The following SNTG1 variants were observed in gnomAD, a reference collection of about 807,000 sequenced individuals.
The protein encoded by SNTG1 is syntrophin gamma 1.
SNTG1 carries 39 observed loss-of-function variants against 74.7 expected under a neutral mutation model. The ratio of observed to expected loss-of-function variants is 0.52; its 90% CI spans 0.40 to 0.68. The LOEUF is 0.68. SNTG1 is among the 30% of genes least tolerant of loss of function. The pLI, the probability that SNTG1 is intolerant of heterozygous loss-of-function variation, is 0.00. For missense variants in SNTG1, 685 were observed against 609.5 expected, an observed-to-expected ratio of 1.12 and a Z score of -1.30; for synonymous variants, 254 against 217.1, an observed-to-expected ratio of 1.17 and a Z score of -1.49.
chr8:50,300,323 A>G (rs934247813), intron 2 of SNTG1, among the ~76,000 whole-genome samples: 3 of 152,178 alleles, frequency 2.0e-5, no homozygotes, highest in Non-Finnish European at 2.9e-5. Flanking sequence ...ATATCTACAT[A>G]GTATACATTT....
intron 2 of SNTG1, among the ~76,000 whole-genome samples, chr8:50,249,166 TAGA>T (rs1462206323): frequency 1.3e-5 from 2 of 152,094 alleles, no homozygotes; most frequent in Non-Finnish European, 2.9e-5. Flanking sequence ...TGGTAACTGA[TAGA>T]GGAGGATCTT....
At chr8:50,660,328 AAGAAAGAAAGAAAG>A (rs1325804888) in intron 15 of SNTG1, among the ~76,000 whole-genome samples, 9 of 144,792 alleles carry the variant, frequency 6.2e-5, no homozygotes, top group South Asian at 2.2e-4. Context: ...AGAAGGAAAG[AAGAAAGAAAGAAAG>A]AGAAAGAAAG....
Position 50,667,327 on chromosome 8 carries a change from A to G in SNTG1, c.1038+8664A>G, listed in dbSNP as rs374179541. Among the ~76,000 whole-genome samples, 21 of 152,172 alleles carry G rather than the reference A, an allele frequency of 1.4e-4. No individual in the cohort carries two copies. In the East Asian group the frequency reaches 1.9e-3, roughly 14 times the overall value. ...TAAAAAGTTACATTTTAGGGAGGCC[A>G]TTTGTCTTTATCTGTTTTCTGTTGC... On this transcript the variant is annotated intron_variant, in intron 15 of 18. Transcript: ENST00000642720.
chr8:50,443,049 T>C (rs2093373146), intron 5 of SNTG1, among the ~76,000 whole-genome samples: 2 of 152,218 alleles, frequency 1.3e-5, no homozygotes, highest in Non-Finnish European at 1.5e-5. Flanking sequence ...ATAAATAACT[T>C]TAATAGTTTC....
chr8:50,070,871 C>T (rs1821305192), intron 1 of SNTG1, among the ~76,000 whole-genome samples: 2 of 152,212 alleles, frequency 1.3e-5, no homozygotes, highest in African/African-American at 4.8e-5. Context: ...TTCTCACTTG[C>T]AAGGTGCCCT....
At chr8:50,021,218 G>A (rs756217241) in intron 1 of SNTG1, among the ~76,000 whole-genome samples, 2 of 152,114 alleles carry the variant, frequency 1.3e-5, no homozygotes, top group Non-Finnish European at 2.9e-5. Context: ...AAATGAAAGA[G>A]CTATAAGTTA....
At chr8:50,605,630 G>T (rs2094807017) in intron 13 of SNTG1, among the ~76,000 whole-genome samples, 1 of 152,126 alleles carries the variant, frequency 6.6e-6, no homozygotes, top group Non-Finnish European at 1.5e-5. Context: ...GGGAGGGGTG[G>T]TCTCAGTGAT....
intron 1 of SNTG1, among the ~76,000 whole-genome samples, chr8:50,085,618 G>C (rs183878916): frequency 1.4e-4 from 22 of 152,274 alleles, no homozygotes. Context: ...GTCACATTTA[G>C]TAGACAATCT....
At chr8:50,001,648 A>G (rs1355506420) in intron 1 of SNTG1, among the ~76,000 whole-genome samples, 1 of 152,142 alleles carries the variant, frequency 6.6e-6, no homozygotes, top group Non-Finnish European at 1.5e-5. Context: ...TTAAAGCATT[A>G]AGTTATCTTG....
intron 1 of SNTG1, among the ~76,000 whole-genome samples, chr8:50,046,443 T>C (rs1450363452): frequency 6.6e-6 from 1 of 152,222 alleles, no homozygotes; most frequent in Non-Finnish European, 1.5e-5. Flanking sequence ...TAAAGGGCTG[T>C]TATCAAGAAA....
chr8:50,016,933 A>C (rs1389452537), intron 1 of SNTG1, among the ~76,000 whole-genome samples: 1 of 152,054 alleles, frequency 6.6e-6, no homozygotes, highest in African/African-American at 2.4e-5. Flanking sequence ...GCTGGAAAGC[A>C]GTGAGATGAC....
At chr8:49,956,924 C>T (rs1196873212) in intron 1 of SNTG1, among the ~76,000 whole-genome samples, 4 of 151,986 alleles carry the variant, frequency 2.6e-5, no homozygotes, top group Non-Finnish European at 5.9e-5. Flanking sequence ...ACAAATACTG[C>T]ATGTTATTGT....
At chr8:50,550,042 A>C (rs1297142286) in intron 11 of SNTG1, among the ~76,000 whole-genome samples, 3 of 152,190 alleles carry the variant, frequency 2.0e-5, no homozygotes, top group African/African-American at 7.2e-5. Flanking sequence ...AAATTGAGGC[A>C]CAACTAAGTG....
At chr8:50,408,247 C>T (rs2092904529) in intron 4 of SNTG1, among the ~76,000 whole-genome samples, 1 of 141,536 alleles carries the variant, frequency 7.1e-6, no homozygotes, top group African/African-American at 2.6e-5. Flanking sequence ...CGACTATTAT[C>T]ATCCTTGCTT....
intron 17 of SNTG1, among the ~76,000 whole-genome samples, chr8:50,712,912 G>A (rs910622479): frequency 1.6e-4 from 25 of 152,084 alleles, no homozygotes; most frequent in Non-Finnish European, 1.5e-4. Context: ...ATTGATGGGC[G>A]TCTAGTTTGG....
chr8:50,669,295 C>A lies in SNTG1; in HGVS notation c.1038+10632C>A, dbSNP rs576900153. ...ATCAACAAAATTGATAGACCACTAG[C>A]TAGACTAATAAAGAAAAAAGAGAGA... On this transcript the variant is annotated intron_variant, in intron 15 of 18. Coordinates refer to ENST00000642720, the MANE Select transcript of SNTG1 (RefSeq NM_018967.5). Among the ~76,000 whole-genome samples the A allele has an allele frequency of 1.7e-4, 26 of 151,402 alleles. No homozygotes were observed. In the South Asian group the frequency reaches 5.4e-3, roughly 32 times the overall value.
chr8:50,628,943 G>T (rs979650506), intron 13 of SNTG1, among the ~76,000 whole-genome samples: 3 of 151,994 alleles, frequency 2.0e-5, no homozygotes, highest in African/African-American at 7.2e-5. Flanking sequence ...TGCTCCCAGT[G>T]GTAATCCATG....
At chr8:50,202,307 A>T (rs1228263963) in intron 2 of SNTG1, among the ~76,000 whole-genome samples, 1 of 152,062 alleles carries the variant, frequency 6.6e-6, no homozygotes, top group Non-Finnish European at 1.5e-5. Context: ...GCACAGTGTT[A>T]ATGTTCTAAA....
intron 1 of SNTG1, among the ~76,000 whole-genome samples, chr8:49,957,032 G>A (rs899037690): frequency 6.6e-6 from 1 of 152,092 alleles, no homozygotes; most frequent in Non-Finnish European, 1.5e-5. Context: ...TTGGTTAAAG[G>A]GTATGAAATT....
Sources: gnomAD v4.1 joint callset for allele counts (sites outside exome capture counted in the v4.1 genomes callset) on GRCh38, gnomAD v4.1.1 for gene constraint, MANE v1.5 for transcripts, NCBI Gene and HGNC (gene_info 2026-07-23, HGNC 2026-07-21) for gene names.